THSD4: variants seen among roughly 807,000 people sequenced by gnomAD.
THSD4 encodes thrombospondin type 1 domain containing 4.
A neutral mutation model predicts 119.0 loss-of-function variants in THSD4; 69 were observed. The observed-to-expected ratio is 0.58, with a 90% CI of 0.48 to 0.71. The LOEUF (loss-of-function observed/expected upper bound fraction) is 0.71, where lower values mean the gene tolerates loss of function less well. Ranked by LOEUF, THSD4 falls within the 30% of genes least tolerant of loss-of-function variation. The pLI, the probability that THSD4 is intolerant of heterozygous loss-of-function variation, is 0.00. For synonymous variants in THSD4, 524 were observed against 540.4 expected, an observed-to-expected ratio of 0.97 and a Z score of 0.42; for missense variants, 1,393 against 1,391.1, an observed-to-expected ratio of 1.00 and a Z score of -0.02.
intron 7 of THSD4, among the ~76,000 whole-genome samples, chr15:71,437,174 G>GGA (rs2047024128): frequency 6.6e-6 from 1 of 152,086 alleles, no homozygotes; most frequent in African/African-American, 2.4e-5. Flanking sequence ...GAGAAAAGGG[G>GGA]GAGACTCTTT....
At chr15:71,556,541 G>A (rs1365572286) in intron 7 of THSD4, among the ~76,000 whole-genome samples, 3 of 151,992 alleles carry the variant, frequency 2.0e-5, no homozygotes, top group African/African-American at 4.8e-5. Flanking sequence ...CGTGAGCCCA[G>A]GAGTTCGAGA....
At chr15:71,735,325 AG>A (rs971278115) in intron 10 of THSD4, among the ~76,000 whole-genome samples, 2 of 152,160 alleles carry the variant, frequency 1.3e-5, no homozygotes, top group African/African-American at 4.8e-5. Context: ...CTCCCGCTGC[AG>A]GGGTGGCTTC....
intron 7 of THSD4, among the ~76,000 whole-genome samples, chr15:71,600,001 T>A (rs1366822118): frequency 6.6e-6 from 1 of 152,282 alleles, no homozygotes; most frequent in African/African-American, 2.4e-5. Flanking sequence ...GTTAGTGTCT[T>A]CTTTCTGTTA....
chr15:71,099,570 A>G (rs1281056792), intron 1 of THSD4, among the ~76,000 whole-genome samples: 1 of 152,120 alleles, frequency 6.6e-6, no homozygotes, highest in Non-Finnish European at 1.5e-5. Flanking sequence ...TGATTTTAAT[A>G]ATAAAATTAT....
chr15:71,215,487 A>G lies in THSD4; in HGVS notation c.464+88A>G, dbSNP rs1481198366. 2.3e-6 allele frequency: 3 copies of G among 1,305,520 alleles called. No homozygotes were observed. In the Admixed American group the frequency reaches 9.1e-5, roughly 40 times the overall value. The allele number at this position is 1,305,520 out of a possible 1,614,324, so 80.9% of individuals were successfully genotyped here. On this transcript the variant is annotated intron_variant, in intron 4 of 17. Transcript: ENST00000261862. ...GCCCCTGCCTCGCACGCTGCTCTGC[A>G]CCACAGACAGTGCGACTAATGCATT...
intron 7 of THSD4, among the ~76,000 whole-genome samples, chr15:71,426,031 C>T (rs2140523800): frequency 6.6e-6 from 1 of 152,282 alleles, no homozygotes; most frequent in Admixed American, 6.5e-5. Flanking sequence ...TGCATGCTCC[C>T]ATGGTGCCTT....
rs2043881275 is a variant in THSD4 at position 71,210,692 on chromosome 15, G to T, written c.100-4343G>T. Among the ~76,000 whole-genome samples the T allele has an allele frequency of 1.3e-5, 2 of 152,136 alleles. 1 individual carries two copies. The highest frequency in any genetic ancestry group is 4.1e-4 in the South Asian group (2 of 4,820). On this transcript the variant is annotated intron_variant, in intron 3 of 17. Coordinates refer to ENST00000261862, the MANE Select transcript of THSD4 (RefSeq NM_024817.3). ...TTAATGTTTCAACTGAACACTTAAA[G>T]AGTGATATCAACAAATAGGTTTATT...
intron 1 of THSD4, among the ~76,000 whole-genome samples, chr15:71,140,595 G>A (rs1411296755): frequency 1.3e-5 from 2 of 152,122 alleles, no homozygotes; most frequent in Non-Finnish European, 2.9e-5. Flanking sequence ...CATTTACTGA[G>A]GGTGACGCTG....
intron 6 of THSD4, among the ~76,000 whole-genome samples, chr15:71,369,923 G>T (rs559068862): frequency 4.6e-5 from 7 of 152,052 alleles, no homozygotes; most frequent in African/African-American, 1.7e-4. Flanking sequence ...AGTTTTTTTT[G>T]GTTAGTAGGC....
At chr15:71,633,513 G>A (rs537566212) in intron 7 of THSD4, among the ~76,000 whole-genome samples, 3 of 152,214 alleles carry the variant, frequency 2.0e-5, no homozygotes, top group Non-Finnish European at 2.9e-5. Context: ...GGGCTCAAAC[G>A]ATCCACCTGC....
chr15:71,132,585 C>T (rs1326720067), intron 1 of THSD4, among the ~76,000 whole-genome samples: 2 of 152,120 alleles, frequency 1.3e-5, no homozygotes, highest in Admixed American at 1.3e-4. Flanking sequence ...TTTTGGCTTT[C>T]CTCTTTGTAT....
At chr15:71,270,831 CT>C (rs770020310) in intron 6 of THSD4, among the ~76,000 whole-genome samples, 10,314 of 34,392 alleles carry the variant, frequency 0.3, 422 homozygotes, top group Middle Eastern at 0.4. Context: ...AGCCATCTCT[CT>C]TTTTTTTTTT....
At chr15:71,173,393 T>C (rs2043402812) in intron 3 of THSD4, among the ~76,000 whole-genome samples, 1 of 152,082 alleles carries the variant, frequency 6.6e-6, no homozygotes, top group South Asian at 2.1e-4. Context: ...AGTATAAAGA[T>C]ATCCCATGTT....
chr15:71,632,613 G>C (rs1033684532), intron 7 of THSD4, among the ~76,000 whole-genome samples: 3 of 152,216 alleles, frequency 2.0e-5, no homozygotes, highest in Non-Finnish European at 4.4e-5. Flanking sequence ...CTAAGTGTTG[G>C]TGGAGTGAAC....
intron 7 of THSD4, among the ~76,000 whole-genome samples, chr15:71,490,249 G>A (rs8023994): frequency 0.84 from 126,880 of 151,652 alleles, 53,647 homozygotes; most frequent in South Asian, 0.93. Flanking sequence ...ACACAGTGAA[G>A]TCTCATCTCT....
At chr15:71,297,127 GTTAT>G (rs1245080264) in intron 6 of THSD4, among the ~76,000 whole-genome samples, 6 of 151,706 alleles carry the variant, frequency 4.0e-5, no homozygotes, top group African/African-American at 1.5e-4. Flanking sequence ...TCACATCCTT[GTTAT>G]TTATTTTTTT....
intron 6 of THSD4, among the ~76,000 whole-genome samples, chr15:71,356,334 CTA>C (rs2045810228): frequency 6.6e-6 from 1 of 152,178 alleles, no homozygotes; most frequent in Admixed American, 6.5e-5. Flanking sequence ...CATTCCCTGT[CTA>C]GTCCCCCTGT....
At position 71,771,026 on chromosome 15, in the gene THSD4, G is replaced by T. The variant is rs765758767; in HGVS notation, c.2770-38G>T. The T allele has an allele frequency of 5.0e-6, 8 of 1,606,292 alleles. No individual in the cohort carries two copies. In the East Asian group the frequency reaches 1.6e-4, roughly 31 times the overall value. ...CTCCAGTGTGCTGAGCTATTGGTCT[G>T]CCCAAAAATCTGATGTTTTCCCTTT... On this transcript the variant is annotated intron_variant, in intron 16 of 17. Coordinates refer to ENST00000261862, the MANE Select transcript of THSD4 (RefSeq NM_024817.3).
At chr15:71,377,805 T>A (rs2046160039) in intron 6 of THSD4, among the ~76,000 whole-genome samples, 1 of 151,514 alleles carries the variant, frequency 6.6e-6, no homozygotes, top group Middle Eastern at 3.4e-3. Flanking sequence ...TTCTTTAAAG[T>A]CCTGTTCTTT....
Sources: allele counts gnomAD v4.1 joint callset (sites outside exome capture counted in the v4.1 genomes callset), GRCh38; gene constraint gnomAD v4.1.1; transcripts MANE v1.5; gene names NCBI Gene and HGNC (gene_info 2026-07-23, HGNC 2026-07-21).